Variants in GRID1 observed in about 807,000 individuals in gnomAD.
The protein encoded by GRID1 is glutamate ionotropic receptor delta type subunit 1.
Under a neutral mutation model 98.0 loss-of-function variants are expected in GRID1, and 28 were observed. The ratio of observed to expected loss-of-function variants is 0.29; its 90% CI spans 0.21 to 0.39. GRID1 has a LOEUF of 0.39. Among genes scored for constraint, GRID1 ranks in the 10% least tolerant of loss-of-function variants. The probability of loss-of-function intolerance (pLI) is 1.00; values close to 1 mark genes in which losing one functional copy is unlikely to be tolerated. For synonymous variants in GRID1, 553 were observed against 538.5 expected, an observed-to-expected ratio of 1.03 and a Z score of -0.37; for missense variants, 1,111 against 1,340.5, an observed-to-expected ratio of 0.83 and a Z score of 2.67.
chr10:85,942,582 G>A (rs914182455), intron 4 of GRID1, among the ~76,000 whole-genome samples: 4 of 152,170 alleles, frequency 2.6e-5, no homozygotes, highest in South Asian at 2.1e-4. Flanking sequence ...TGGACCTGGC[G>A]GACAGTGAGC....
At chr10:86,334,285 C>A (rs1318370172) in intron 2 of GRID1, among the ~76,000 whole-genome samples, 2 of 152,190 alleles carry the variant, frequency 1.3e-5, no homozygotes, top group Non-Finnish European at 2.9e-5. Context: ...CCATCTCCCT[C>A]ATTTACTGCT....
At chr10:85,823,345 T>A (rs370449756) in intron 8 of GRID1, among the ~76,000 whole-genome samples, 6 of 152,236 alleles carry the variant, frequency 3.9e-5, no homozygotes, top group East Asian at 1.9e-4. Flanking sequence ...ATCCATGATA[T>A]GTTCAAGAAA....
At chr10:85,953,783 T>G (rs1842154847) in intron 4 of GRID1, among the ~76,000 whole-genome samples, 1 of 152,214 alleles carries the variant, frequency 6.6e-6, no homozygotes, top group Non-Finnish European at 1.5e-5. Context: ...CATGCACACT[T>G]TCACAGAAAC....
intron 2 of GRID1, among the ~76,000 whole-genome samples, chr10:86,344,295 C>T (rs888089369): frequency 2.0e-5 from 3 of 152,230 alleles, no homozygotes; most frequent in African/African-American, 7.2e-5. Context: ...GTATCCCCAT[C>T]CTACAGATGA....
chr10:86,175,009 T>C (rs908134898), intron 3 of GRID1, among the ~76,000 whole-genome samples: 1 of 152,132 alleles, frequency 6.6e-6, no homozygotes, highest in Non-Finnish European at 1.5e-5. Context: ...CTGGAGAGGA[T>C]GTGGAGAAAT....
intron 5 of GRID1, among the ~76,000 whole-genome samples, chr10:85,900,318 A>AGGC (rs1298473634): frequency 6.6e-6 from 1 of 152,198 alleles, no homozygotes; most frequent in Non-Finnish European, 1.5e-5. Context: ...GAGGTGTAAT[A>AGGC]ACAGGGTAGA....
At chr10:85,653,957 C>T (rs1482668027) in intron 12 of GRID1, among the ~76,000 whole-genome samples, 1 of 151,930 alleles carries the variant, frequency 6.6e-6, no homozygotes, top group Admixed American at 6.5e-5. Flanking sequence ...CTGTTATAAG[C>T]AAGAAAAAAA....
At chr10:85,876,172 AAC>A (rs1843329280) in intron 5 of GRID1, among the ~76,000 whole-genome samples, 1 of 152,112 alleles carries the variant, frequency 6.6e-6, no homozygotes, top group Non-Finnish European at 1.5e-5. Flanking sequence ...GCTTCAGAAT[AAC>A]AGAGTTTTAT....
intron 4 of GRID1, among the ~76,000 whole-genome samples, chr10:86,042,271 G>A (rs1843357912): frequency 6.6e-6 from 1 of 152,202 alleles, no homozygotes; most frequent in Non-Finnish European, 1.5e-5. Context: ...CTCCTCAGCT[G>A]AGAGAAGTCA....
intron 12 of GRID1, among the ~76,000 whole-genome samples, chr10:85,675,731 T>C (rs1841137467): frequency 6.6e-6 from 1 of 152,166 alleles, no homozygotes; most frequent in South Asian, 2.1e-4. Context: ...GGACCCCTGG[T>C]ATAAAATTGC....
intron 8 of GRID1, among the ~76,000 whole-genome samples, chr10:85,762,401 T>C (rs1842155699): frequency 6.6e-6 from 1 of 152,236 alleles, no homozygotes; most frequent in Non-Finnish European, 1.5e-5. Flanking sequence ...TTTTAATATA[T>C]TCTTTCTTTG....
At chr10:85,635,099 G>A (rs1045549317) in intron 13 of GRID1, among the ~76,000 whole-genome samples, 3 of 147,728 alleles carry the variant, frequency 2.0e-5, no homozygotes, top group South Asian at 4.4e-4. Flanking sequence ...AATAATCAAG[G>A]TTAGCATGGT....
chr10:86,000,159 T>C (rs971767151), intron 4 of GRID1, among the ~76,000 whole-genome samples: 2 of 152,176 alleles, frequency 1.3e-5, no homozygotes, highest in Non-Finnish European at 2.9e-5. Context: ...CAAAACTCAG[T>C]TGTGTTTCCA....
chr10:85,913,331 C>T (rs968787532), intron 5 of GRID1, among the ~76,000 whole-genome samples: 3 of 152,220 alleles, frequency 2.0e-5, no homozygotes, highest in African/African-American at 7.2e-5. Context: ...ATCCCAGATA[C>T]ACCATTAATA....
Position 85,806,054 on chromosome 10 carries a change from C to G in GRID1, c.1233+48442G>C, listed in dbSNP as rs146306577. ...AAGCTATGGTCTGGGAGAAAATATT[C>G]ACAATACATACACCTAATTAATGAA... is the stretch of plus-strand genomic sequence containing the variant. On this transcript the variant is annotated intron_variant, in intron 8 of 15. Coordinates refer to ENST00000327946, the MANE Select transcript of GRID1 (RefSeq NM_017551.3). 8.1e-5 allele frequency among the ~76,000 whole-genome samples: 12 copies of G among 148,678 alleles called. No individual in the cohort carries two copies. The East Asian group carries it at 2.3e-3, about 29-fold the overall frequency.
intron 8 of GRID1, among the ~76,000 whole-genome samples, chr10:85,820,077 GGT>G (rs1842753418): frequency 9.3e-6 from 1 of 107,194 alleles, no homozygotes; most frequent in Admixed American, 9.6e-5. Flanking sequence ...CAGGAAGGCA[GGT>G]AGGCAGGCAG....
intron 2 of GRID1, among the ~76,000 whole-genome samples, chr10:86,289,007 G>A (rs529483619): frequency 6.6e-6 from 1 of 152,296 alleles, no homozygotes; most frequent in African/African-American, 2.4e-5. Context: ...ACAAAAATAT[G>A]TGTAGACACC....
chr10:85,829,336 G>A (rs77968554), intron 8 of GRID1, among the ~76,000 whole-genome samples: 5,028 of 152,082 alleles, frequency 0.033, 126 homozygotes, highest in Non-Finnish European at 0.047. Context: ...CAAACCCAGG[G>A]CCAACATCAT....
At chr10:86,089,371 T>A (rs1844110163) in intron 4 of GRID1, among the ~76,000 whole-genome samples, 1 of 147,408 alleles carries the variant, frequency 6.8e-6, no homozygotes, top group African/African-American at 2.7e-5. Context: ...GAGGAGAACC[T>A]GGACTTCATT....
Sources: gnomAD v4.1 joint callset for allele counts (sites outside exome capture counted in the v4.1 genomes callset) on GRCh38, gnomAD v4.1.1 for gene constraint, MANE v1.5 for transcripts, NCBI Gene and HGNC (gene_info 2026-07-23, HGNC 2026-07-21) for gene names.